Variants in A2ML1 observed in about 807,000 individuals in gnomAD.
The protein encoded by A2ML1 is alpha-2-macroglobulin like 1.
In A2ML1, 161 loss-of-function variants were observed where a neutral mutation model predicts 181.9. The ratio of observed to expected loss-of-function variants is 0.89; its 90% CI spans 0.78 to 1.01. A2ML1 has a LOEUF of 1.01. A2ML1 is among the 50% of genes least tolerant of loss of function. The pLI, the probability that A2ML1 is intolerant of heterozygous loss-of-function variation, is 0.00. For missense variants in A2ML1, 1,670 were observed against 1,768.1 expected, an observed-to-expected ratio of 0.94 and a Z score of 1.00; for synonymous variants, 663 against 666.8, an observed-to-expected ratio of 0.99 and a Z score of 0.09.
At chr12:8,829,842 T>C (rs1943053624) in intron 4 of A2ML1, 63 bp downstream of exon 4, 1 of 1,587,530 alleles carries the variant, frequency 6.3e-7, no homozygotes, top group Non-Finnish European at 8.6e-7. Flanking sequence ...AGAGATTCTC[T>C]AGGGTGGAAG....
intron 11 of A2ML1, 31 bp from the exon 12 acceptor site, chr12:8,843,103 C>A: frequency 6.2e-7 from 1 of 1,600,460 alleles, no homozygotes; most frequent in Non-Finnish European, 8.6e-7. Flanking sequence ...GGAGCACATG[C>A]TAAAATTCTC....
chr12:8,843,450 G>C, intron 12 of A2ML1, 89 bp downstream of exon 12: 1 of 1,212,540 alleles, frequency 8.2e-7, no homozygotes, highest in African/African-American at 1.5e-5. Context: ...TAGGCTATCT[G>C]AATTGCAGAT....
In A2ML1 at chr12:8,845,409, C is replaced by T. The variant is rs751161374; in HGVS notation, c.1477-33C>T. On this transcript the variant is annotated intron_variant, in intron 12 of 35. Coordinates refer to ENST00000299698, the MANE Select transcript of A2ML1 (RefSeq NM_144670.6). ...GTCCAAGGTGAAATTACTGTAACTTCTGTGCAGTTGATTCTTTTCTTTTCT... is the reference window on the plus strand; with the variant it reads ...GTCCAAGGTGAAATTACTGTAACTTTTGTGCAGTTGATTCTTTTCTTTTCT... The T allele has an allele frequency of 3.7e-6, 6 of 1,609,674 alleles. No homozygotes were observed. The South Asian group carries it at 5.5e-5, about 15-fold the overall frequency.
rs762975265 is a variant in A2ML1 at position 8,855,513 on chromosome 12, G to A, written c.2769G>A (p.Lys923=). 3.7e-5 allele frequency: 59 copies of A among 1,614,076 alleles called. No individual in the cohort carries two copies. The highest frequency in any genetic ancestry group is 3.6e-5 in the Non-Finnish European group (42 of 1,180,002). The stretch of plus-strand genomic sequence containing the variant: ...CTTTTTTTCTGCATCTCACAGGAAA[G>A]GTGGCATCTGAATCTGTCTCCCTGG... ...THSSLLCPKG[K]VASESVSLEL... The change falls in exon 23 of 36, where the codon AAG becomes AAA. Residue 923 remains lysine, a synonymous_variant. Transcript: ENST00000299698.
intron 8 of A2ML1, 123 bp downstream of exon 8, chr12:8,837,689 G>A (rs988781059): frequency 1.9e-6 from 2 of 1,071,114 alleles, no homozygotes; most frequent in Non-Finnish European, 2.5e-6. Context: ...AGACCAGCCT[G>A]ACCAATATGG....
intron 17 of A2ML1, 56 bp from the exon 18 acceptor site, chr12:8,850,104 T>C (rs1455332512): frequency 7.3e-7 from 1 of 1,366,054 alleles, no homozygotes; most frequent in African/African-American, 1.5e-5. Flanking sequence ...TCCCAATTTA[T>C]GTCACAACAA....
At chr12:8,884,247 T>G (rs1331784886) in intron 7 of A2ML1, among the ~76,000 whole-genome samples, 4 of 128,218 alleles carry the variant, frequency 3.1e-5, no homozygotes, top group South Asian at 2.3e-4. Context: ...TTTTGTTTTG[T>G]TTTTTTTTAA....
At chr12:8,822,872 G>A (rs186962387) in intron 1 of A2ML1, among the ~76,000 whole-genome samples, 159 bp downstream of exon 1, 3 of 152,222 alleles carry the variant, frequency 2.0e-5, no homozygotes, top group African/African-American at 7.2e-5. Context: ...ACCCAGAGAG[G>A]GAGGCTGACG....
chr12:8,831,976 C>T (rs976799599), intron 4 of A2ML1, among the ~76,000 whole-genome samples: 28 of 152,100 alleles, frequency 1.8e-4, no homozygotes, highest in African/African-American at 6.8e-4. Context: ...TCTTGAACTC[C>T]CGACCTCAAG....
At chr12:8,850,597 A>G (rs979992312) in intron 18 of A2ML1, among the ~76,000 whole-genome samples, 1 of 152,126 alleles carries the variant, frequency 6.6e-6, no homozygotes, top group East Asian at 1.9e-4. Flanking sequence ...AACGACAACA[A>G]CAAACCCAGA....
rs1404439178 is a variant in A2ML1, at chr12:8,857,340, G to T, written c.3025G>T (p.Gly1009Trp). The T allele has an allele frequency of 6.2e-7, 1 of 1,613,936 alleles. No homozygotes were observed. The highest frequency in any genetic ancestry group is 8.5e-7 in the Non-Finnish European group (1 of 1,179,952). ...TCGGGCAGTGGGTTTCCTGGAAATAGGTAAGTTGGTTCAGTCTTTCTTTCT... is the reference window on the plus strand; with the variant it reads ...TCGGGCAGTGGGTTTCCTGGAAATATGTAAGTTGGTTCAGTCTTTCTTTCT... ...RSRAVGFLEI[G>W]YQKELMYKHS... is the part of the protein sequence containing the mutation. The change falls in exon 24 of 36, where the codon GGG (glycine) becomes TGG (tryptophan). Residue 1009 changes from glycine (G) to tryptophan (W), a missense_variant and splice_region_variant. Gly to Trp is a radical substitution (Grantham distance 184). Transcript: ENST00000299698.
chr12:8,839,338 A>G, intron 10 of A2ML1, 116 bp downstream of exon 10: 2 of 618,478 alleles, frequency 3.2e-6, no homozygotes, highest in Non-Finnish European at 5.6e-6. Context: ...CTTTATGTGT[A>G]TTCATTTTAA....
chr12:8,863,579 A>G (rs759038258), intron 28 of A2ML1, among the ~76,000 whole-genome samples: 1 of 152,354 alleles, frequency 6.6e-6, no homozygotes, highest in East Asian at 1.9e-4. Flanking sequence ...AGGCAGGAAC[A>G]TTTATCGATG....
intron 17 of A2ML1, 48 bp from the exon 18 acceptor site, chr12:8,850,112 C>A: frequency 7.0e-7 from 1 of 1,436,404 alleles, no homozygotes; most frequent in Non-Finnish European, 9.5e-7. Context: ...TATGTCACAA[C>A]AAGAAGTCTC....
At chr12:8,824,638 C>T (rs915682835) in intron 3 of A2ML1, among the ~76,000 whole-genome samples, 1 of 152,010 alleles carries the variant, frequency 6.6e-6, no homozygotes, top group African/African-American at 2.4e-5. Context: ...TAACCATTCC[C>T]ACCCCACCCC....
At chr12:8,884,443 C>T (rs1431189085) in intron 7 of A2ML1, among the ~76,000 whole-genome samples, 1 of 151,950 alleles carries the variant, frequency 6.6e-6, no homozygotes, top group Non-Finnish European at 1.5e-5. Context: ...GTCGAGTAGA[C>T]TCCAGTGTCT....
chr12:8,845,988 C>G, intron 13 of A2ML1, 89 bp from the exon 14 acceptor site: 1 of 1,485,926 alleles, frequency 6.7e-7, no homozygotes, highest in East Asian at 2.3e-5. Flanking sequence ...GGTGCCTGCA[C>G]TGGCTCAGTG....
In A2ML1 at chr12:8,854,133, A is replaced by G. The variant is rs1344324401; in HGVS notation, c.2596A>G (p.Ile866Val). Reference protein sequence around the residue: ...WNITAVKLGHINFTISTKILD... With the variant: ...WNITAVKLGHVNFTISTKILD... ...TCCCTTCTTCTTTCTCTCAGGTCAC[A>G]TTAACTTTACTATTAGTACAAAGAT... Residue 866 changes from isoleucine (I) to valine (V), a missense_variant, in exon 21 of 36, where the codon ATT becomes GTT. Transcript: ENST00000299698. The G allele has an allele frequency of 6.3e-7, 1 of 1,591,706 alleles. No individual in the cohort carries two copies.
intron 29 of A2ML1, among the ~76,000 whole-genome samples, chr12:8,867,359 T>C (rs767644311): frequency 3.9e-5 from 6 of 152,314 alleles, no homozygotes; most frequent in Non-Finnish European, 5.9e-5. Context: ...TATAAAAGCA[T>C]GCTACTGGCT....
Sources: gnomAD v4.1 joint callset for allele counts (sites outside exome capture counted in the v4.1 genomes callset) on GRCh38, gnomAD v4.1.1 for gene constraint, MANE v1.5 for transcripts, NCBI Gene and HGNC (gene_info 2026-07-23, HGNC 2026-07-21) for gene names.